COPB1: variants seen among roughly 807,000 people sequenced by gnomAD.
COPB1 encodes the protein coat protein complex I subunit beta 1.
In COPB1, 21 loss-of-function variants were observed where a neutral mutation model predicts 108.7. The observed-to-expected ratio is 0.19, with a 90% CI of 0.14 to 0.28. The LOEUF (loss-of-function observed/expected upper bound fraction) is 0.28. Among genes scored for constraint, COPB1 ranks in the 10% least tolerant of loss-of-function variants. The pLI, the probability that COPB1 is intolerant of heterozygous loss-of-function variation, is 1.00. For synonymous variants in COPB1, 378 were observed against 386.8 expected (o/e 0.98, Z 0.27); for missense variants, 919 against 1,141.3 (o/e 0.81, Z 2.81).
At chr11:14,483,533 A>G (rs1485612615) in intron 7 of COPB1, among the ~76,000 whole-genome samples, 1 of 152,224 alleles carries the variant, frequency 6.6e-6, no homozygotes, top group Non-Finnish European at 1.5e-5. Context: ...ATTTCAGTTT[A>G]GAGGCAAAGT....
At position 14,457,743 on chromosome 11, in the gene COPB1, T is replaced by C. The variant is rs953597416; in HGVS notation, c.*81A>G. On this transcript the variant is annotated 3_prime_UTR_variant, in exon 22 of 22. Transcript: ENST00000439561. ...CATGAACTCAGATTCTATATAAGCA[T>C]GAAAGAGTACAAAAGATGTTGGAGT... The C allele has an allele frequency of 2.7e-5, 23 of 867,324 alleles. No individual in the cohort carries two copies. In the South Asian group the frequency reaches 3.0e-4, roughly 11 times the overall value. The allele number at this position is 867,324 out of a possible 1,614,324, so 53.7% of individuals were successfully genotyped here.
chr11:14,460,676 G>A (rs1041697552), intron 19 of COPB1, among the ~76,000 whole-genome samples: 6 of 151,966 alleles, frequency 3.9e-5, no homozygotes, highest in Non-Finnish European at 8.8e-5. Flanking sequence ...GCTAATTTTT[G>A]TATTTTTTGT....
At chr11:14,490,781 A>C in intron 4 of COPB1, 102 bp from the exon 5 acceptor site, 2 of 655,502 alleles carry the variant, frequency 3.1e-6, no homozygotes, top group Non-Finnish European at 2.5e-6. Context: ...AAACTTTACA[A>C]CATACTTTTG....
At chr11:14,482,972 G>C in intron 8 of COPB1, 60 bp downstream of exon 8, 1 of 1,432,024 alleles carries the variant, frequency 7.0e-7, no homozygotes, top group Non-Finnish European at 9.3e-7. Context: ...CAAAGCTTGA[G>C]AATGACCTAA....
chr11:14,476,998 A>G lies in COPB1; in HGVS notation c.1376T>C (p.Leu459Ser). ...ACTACAGTATTCTCCCAGGATCCAT[A>G]ATGCTCCTCGGTAAATCCTAGCACA... ...IKSVKIYRGA[L>S]WILGEYCSTK... The change falls in exon 12 of 22, where the codon TTA becomes TCA. Residue 459 changes from leucine to serine, a missense_variant. Transcript: ENST00000439561. 5.0e-6 allele frequency: 8 copies of G among 1,609,442 alleles called. No individual in the cohort carries two copies. The highest frequency in any genetic ancestry group is 6.0e-6 in the Non-Finnish European group (7 of 1,175,814).
chr11:14,490,615 CCTT>C lies in COPB1; in HGVS notation c.553_555del (p.Lys185del), dbSNP rs1445624472. 1 of 1,613,170 alleles carries C rather than the reference CCTT, an allele frequency of 6.2e-7. No individual in the cohort carries two copies. Reference sequence around the variant, plus strand: ...AATGCATTCCTTTTGCAACTTGCATCCTTCTCATTCACCAGAAAATCATGTATC... The same window carrying C: ...AATGCATTCCTTTTGCAACTTGCATCCTCATTCACCAGAAAATCATGTATC... On this transcript the variant is annotated inframe_deletion, in exon 5 of 22. Transcript: ENST00000439561.
intron 21 of COPB1, 68 bp from the exon 22 acceptor site, chr11:14,457,951 A>T: frequency 1.1e-6 from 1 of 914,496 alleles, no homozygotes; most frequent in South Asian, 1.8e-5. Context: ...ATTCCATATT[A>T]TTAAGCCCCA....
intron 19 of COPB1, 56 bp downstream of exon 19, chr11:14,461,130 C>G (rs993137649): frequency 6.2e-7 from 1 of 1,607,038 alleles, no homozygotes; most frequent in Non-Finnish European, 8.5e-7. Flanking sequence ...GACTCCTCAA[C>G]AGCAGGCAAA....
Position 14,469,797 on chromosome 11 carries a change from G to GT in COPB1, c.1738-235dup, listed in dbSNP as rs1021246942. Among the ~76,000 whole-genome samples, 31 of 152,270 alleles carry GT rather than the reference G, an allele frequency of 2.0e-4. 1 individual carries two copies. Among genetic ancestry groups the GT allele is most frequent in the African/African-American group, 6.7e-4 (28 of 41,574 alleles). ...TAGAGACAGCAGAGGCTTTTTAACT[G>GT]TTTTCCCTTGCTCCAGTCCTTCTCT... On this transcript the variant is annotated intron_variant, in intron 14 of 21. Coordinates refer to ENST00000439561, the MANE Select transcript of COPB1 (RefSeq NM_001144061.2).
In COPB1 at chr11:14,458,487, CCTTT is replaced by C. The variant is rs772939075; in HGVS notation, c.2802+41_2802+44del. ...ATAATAAAGTCATAAATTCCTCCCC[CCTTT>C]GTCAGTCCAGAGATACTCTCAAAAA... is the stretch of plus-strand genomic sequence containing the variant. On this transcript the variant is annotated intron_variant, in intron 21 of 21. Transcript: ENST00000439561. The C allele has an allele frequency of 1.7e-5, 26 of 1,548,530 alleles. No individual in the cohort carries two copies. The South Asian group carries it at 2.9e-4, about 17-fold the overall frequency.
chr11:14,457,958 C>T (rs915323244), intron 21 of COPB1, 75 bp from the exon 22 acceptor site: 2 of 858,264 alleles, frequency 2.3e-6, no homozygotes, highest in South Asian at 2.0e-5. Context: ...ATTATTAAGC[C>T]CCAATTCAAT....
At chr11:14,491,672 A>AGG (rs1850909224) in intron 4 of COPB1, among the ~76,000 whole-genome samples, 2 of 94,874 alleles carry the variant, frequency 2.1e-5, no homozygotes, top group Non-Finnish European at 3.9e-5. Context: ...TCTGTCTCAA[A>AGG]AAAAAAAAAA....
Position 14,460,256 on chromosome 11 carries a change from T to C in COPB1, c.2598A>G (p.Leu866=), listed in dbSNP as rs931473233. 2.5e-6 allele frequency: 4 copies of C among 1,612,006 alleles called. No individual in the cohort carries two copies. Among genetic ancestry groups the C allele is most frequent in the Non-Finnish European group, 3.4e-6 (4 of 1,178,946 alleles). Residue 866 remains leucine, a synonymous_variant, in exon 20 of 22, where the codon TTA becomes TTG. Transcript: ENST00000439561. ...TATTGGTTGACTTTAATATGTGCTG[T>C]AAGTAGTCATTTAAATCAACCATGT... ...NTNMVDLNDY[L]QHILKSTNMK...
At chr11:14,465,077 AC>A in intron 17 of COPB1, 47 bp from the exon 18 acceptor site, 1 of 1,421,534 alleles carries the variant, frequency 7.0e-7, no homozygotes. Flanking sequence ...ACACACACAC[AC>A]ACACACACAC....
intron 18 of COPB1, among the ~76,000 whole-genome samples, chr11:14,464,219 C>G (rs1207063181): frequency 2.6e-5 from 4 of 152,180 alleles, no homozygotes; most frequent in Non-Finnish European, 5.9e-5. Flanking sequence ...TGAGCACTTG[C>G]TCCTCCATGA....
At chr11:14,492,864 A>T (rs1164924376) in intron 4 of COPB1, among the ~76,000 whole-genome samples, 1 of 152,118 alleles carries the variant, frequency 6.6e-6, no homozygotes, top group African/African-American at 2.4e-5. Flanking sequence ...CCAAAATCTC[A>T]GCCGGGCGTG....
At chr11:14,458,765 T>A in intron 20 of COPB1, 78 bp from the exon 21 acceptor site, 4 of 220,156 alleles carry the variant, frequency 1.8e-5, no homozygotes, top group Non-Finnish European at 2.3e-5. Flanking sequence ...ATAGGTGACT[T>A]TTTTTTTTTT....
intron 14 of COPB1, among the ~76,000 whole-genome samples, chr11:14,470,944 A>ACACACTCTCTCT (rs1285522756): frequency 3.1e-4 from 28 of 90,204 alleles, no homozygotes; most frequent in African/African-American, 1.4e-3. Flanking sequence ...ACACACACAC[A>ACACACTCTCTCT]CTCTCTCTCT....
chr11:14,474,487 G>T lies in COPB1; in HGVS notation c.1737+8C>A. ...ATTGTTGGTTAAATGTAAAATAAAT[G>T]AACTTACATTTTGCTTTTTCTTCTC... On this transcript the variant is annotated splice_region_variant and intron_variant, in intron 14 of 21. Transcript: ENST00000439561. 2 of 1,610,726 alleles carry T rather than the reference G, an allele frequency of 1.2e-6. No homozygotes were observed. The highest frequency in any genetic ancestry group is 2.2e-5 in the South Asian group (2 of 90,914).
Sources: gnomAD v4.1 joint callset for allele counts (sites outside exome capture counted in the v4.1 genomes callset) on GRCh38, gnomAD v4.1.1 for gene constraint, MANE v1.5 for transcripts, NCBI Gene and HGNC (gene_info 2026-07-23, HGNC 2026-07-21) for gene names.